Variants in PHACTR4 observed in about 807,000 individuals in gnomAD.
The protein encoded by PHACTR4 is protein phosphatase 1, regulatory subunit 124.
A neutral mutation model predicts 72.7 loss-of-function variants in PHACTR4; 51 were observed. The observed-to-expected ratio is 0.70, with a 90% CI of 0.56 to 0.89. The LOEUF is 0.89. Among genes scored for constraint, PHACTR4 ranks in the 40% least tolerant of loss-of-function variants. PHACTR4 has a pLI of 0.00. For missense variants in PHACTR4, 731 were observed against 861.8 expected (o/e 0.85, Z 1.90); for synonymous variants, 255 against 302.5 (o/e 0.84, Z 1.63).
intron 2 of PHACTR4, among the ~76,000 whole-genome samples, chr1:28,419,513 G>A (rs1277493460): frequency 6.6e-6 from 1 of 151,476 alleles, no homozygotes; most frequent in Non-Finnish European, 1.5e-5. Flanking sequence ...CTTTTTTTGA[G>A]ATGAAGTCTA....
In PHACTR4 at chr1:28,444,243, T is replaced by TTTC. The variant is rs1553194313; in HGVS notation, c.17-14841_17-14840insTCT. 8.5e-4 allele frequency among the ~76,000 whole-genome samples: 83 copies of TTTC among 97,418 alleles called. 11 individuals carry two copies. The highest frequency in any genetic ancestry group is 1.4e-3 in the Non-Finnish European group (67 of 48,226). 63.9% of individuals were successfully genotyped at this position (97,418 alleles called of 152,430 possible). A position where few individuals can be genotyped will look rare whatever the true frequency, so the allele number is the denominator to read the frequency against. ...TTTTTTTTTTTTTTTTTTTTTTTTT[T>TTTC]TGAGACAGAGTCTTGCTCTGTCGCC... On this transcript the variant is annotated intron_variant, in intron 2 of 13. Transcript: ENST00000373839.
chr1:28,433,032 T>G, intron 2 of PHACTR4: 1 of 984,492 alleles, frequency 1.0e-6, no homozygotes, highest in Non-Finnish European at 1.2e-6. Context: ...CGTGAGCCAC[T>G]GCACCTGACC....
intron 2 of PHACTR4, 122 bp from the exon 3 acceptor site, chr1:28,458,963 T>C: frequency 1.2e-6 from 1 of 813,198 alleles, no homozygotes; most frequent in Non-Finnish European, 1.9e-6. Context: ...CCTGTCTGCA[T>C]GATTGTTTAT....
chr1:28,421,073 G>A (rs191897816), intron 2 of PHACTR4, among the ~76,000 whole-genome samples: 34 of 152,216 alleles, frequency 2.2e-4, no homozygotes, highest in African/African-American at 7.5e-4. Flanking sequence ...GTCAGTTTTT[G>A]TACCAGTTCT....
chr1:28,426,673 A>G (rs1262276477), intron 2 of PHACTR4, among the ~76,000 whole-genome samples: 4 of 152,086 alleles, frequency 2.6e-5, no homozygotes, highest in Admixed American at 2.6e-4. Flanking sequence ...CAAAAAAAAA[A>G]AGAAACGTGG....
At chr1:28,401,442 G>A (rs1434998804) in intron 1 of PHACTR4, among the ~76,000 whole-genome samples, 2 of 151,936 alleles carry the variant, frequency 1.3e-5, no homozygotes, top group Admixed American at 1.3e-4. Flanking sequence ...ACGTAGCTGG[G>A]ATTACAGGCG....
intron 6 of PHACTR4, 87 bp downstream of exon 6, chr1:28,466,855 T>C (rs1659212798): frequency 1.3e-6 from 2 of 1,490,444 alleles, no homozygotes; most frequent in African/African-American, 2.8e-5. Flanking sequence ...AACATTGATT[T>C]GGTCTGTGAG....
chr1:28,399,248 G>A (rs962088451), intron 1 of PHACTR4, among the ~76,000 whole-genome samples: 10 of 151,974 alleles, frequency 6.6e-5, no homozygotes, highest in African/African-American at 2.4e-4. Context: ...GGAGGCGGGG[G>A]TTATAGTAAG....
intron 2 of PHACTR4, among the ~76,000 whole-genome samples, chr1:28,419,185 T>C (rs538151258): frequency 6.6e-6 from 1 of 150,820 alleles, no homozygotes; most frequent in South Asian, 2.1e-4. Flanking sequence ...GGTTTCACCA[T>C]GTCGGCCAGG....
chr1:28,485,718 G>A (rs1320220408), intron 9 of PHACTR4, among the ~76,000 whole-genome samples: 2 of 146,288 alleles, frequency 1.4e-5, no homozygotes, highest in African/African-American at 5.1e-5. Context: ...GACCAACATG[G>A]TGAAACCCCA....
At chr1:28,376,651 T>G (rs576840500) in intron 1 of PHACTR4, among the ~76,000 whole-genome samples, 1 of 151,486 alleles carries the variant, frequency 6.6e-6, no homozygotes, top group South Asian at 2.1e-4. Flanking sequence ...TTAATTTTTT[T>G]TTTGAGACGG....
At chr1:28,369,950 C>T in intron 1 of PHACTR4, 125 bp downstream of exon 1, 1 of 348,474 alleles carries the variant, frequency 2.9e-6, no homozygotes, top group Middle Eastern at 4.8e-4. Flanking sequence ...AGGTAACGGC[C>T]CGGGTCGCCG....
At position 28,370,065 on chromosome 1, in the gene PHACTR4, C is replaced by T. The variant is rs1159101382; in HGVS notation, c.-39+240C>T. On this transcript the variant is annotated intron_variant, in intron 1 of 13. Coordinates refer to ENST00000373839, the MANE Select transcript of PHACTR4 (RefSeq NM_001048183.3). ...CTGAGGCAGGGCCCGCGCAGGCTCG[C>T]CCTCTCCGCCCCCCGAGACTTGGCT... is the stretch of plus-strand genomic sequence containing the variant. 2.0e-5 allele frequency among the ~76,000 whole-genome samples: 3 copies of T among 151,594 alleles called. No homozygotes were observed. The East Asian group carries it at 5.9e-4, about 30-fold the overall frequency.
intron 4 of PHACTR4, among the ~76,000 whole-genome samples, chr1:28,461,087 T>G (rs1264025784): frequency 6.6e-6 from 1 of 152,194 alleles, no homozygotes; most frequent in Non-Finnish European, 1.5e-5. Context: ...TATAGTACAT[T>G]GGTTGCATCT....
chr1:28,379,767 T>G (rs1382839653), intron 1 of PHACTR4, among the ~76,000 whole-genome samples: 1 of 151,540 alleles, frequency 6.6e-6, no homozygotes, highest in Non-Finnish European at 1.5e-5. Context: ...TTTTTTGTAT[T>G]TTTAGTAGAG....
intron 2 of PHACTR4, among the ~76,000 whole-genome samples, chr1:28,445,696 G>A (rs528677535): frequency 1.4e-4 from 22 of 152,154 alleles, no homozygotes; most frequent in Admixed American, 6.6e-4. Flanking sequence ...TTTGGGGAAC[G>A]TGATTTGGAA....
intron 7 of PHACTR4, among the ~76,000 whole-genome samples, chr1:28,475,339 A>C (rs888839861): frequency 6.6e-6 from 1 of 152,050 alleles, no homozygotes; most frequent in South Asian, 2.1e-4. Context: ...TACATGAAAA[A>C]TTACAACCGC....
chr1:28,482,403 G>C (rs1438537297), intron 9 of PHACTR4, among the ~76,000 whole-genome samples: 1 of 152,038 alleles, frequency 6.6e-6, no homozygotes, highest in Non-Finnish European at 1.5e-5. Flanking sequence ...TCCTTTCAAA[G>C]TGTTGGTATA....
intron 2 of PHACTR4, among the ~76,000 whole-genome samples, chr1:28,455,600 G>T (rs1658331856): frequency 6.6e-6 from 1 of 152,082 alleles, no homozygotes; most frequent in Non-Finnish European, 1.5e-5. Context: ...TCTGGTATTG[G>T]GTTTAACACA....
Sources: allele counts gnomAD v4.1 joint callset (sites outside exome capture counted in the v4.1 genomes callset), GRCh38; gene constraint gnomAD v4.1.1; transcripts MANE v1.5; gene names NCBI Gene and HGNC (gene_info 2026-07-23, HGNC 2026-07-21).